The following DDAH1 variants were observed in gnomAD, a reference collection of about 807,000 sequenced individuals.
DDAH1 encodes N(G),N(G)-dimethylarginine dimethylaminohydrolase 1.
DDAH1 carries 19 observed loss-of-function variants against 28.8 expected under a neutral mutation model. The ratio of observed to expected loss-of-function variants is 0.66; its 90% CI spans 0.46 to 0.97. The LOEUF (loss-of-function observed/expected upper bound fraction) is 0.97, where lower values mean the gene tolerates loss of function less well. Among genes scored for constraint, DDAH1 ranks in the 50% least tolerant of loss-of-function variants. The pLI is 0.00. For missense variants in DDAH1, 326 were observed against 375.9 expected, an observed-to-expected ratio of 0.87 and a Z score of 1.10; for synonymous variants, 153 against 154.4, an observed-to-expected ratio of 0.99 and a Z score of 0.07.
chr1:85,564,810 G>C (rs1379299354), intron 1 of DDAH1, among the ~76,000 whole-genome samples: 1 of 151,622 alleles, frequency 6.6e-6, no homozygotes, highest in African/African-American at 2.4e-5. Context: ...GTTGCAGTGA[G>C]CCGAGATTGT....
At position 85,452,593 on chromosome 1, in the gene DDAH1, G is replaced by A. The variant is rs114958538; in HGVS notation, c.303+12150C>T. On this transcript the variant is annotated intron_variant, in intron 1 of 5. Coordinates refer to ENST00000284031, the MANE Select transcript of DDAH1 (RefSeq NM_012137.4). ...TAATTTTACGATCCACTTACGAGTTGAACTTAAAATTTGAAAATCACCATC... is the reference window on the plus strand; with the variant it reads ...TAATTTTACGATCCACTTACGAGTTAAACTTAAAATTTGAAAATCACCATC... 2.6e-3 allele frequency among the ~76,000 whole-genome samples: 388 copies of A among 151,906 alleles called. 3 individuals carry two copies. The highest frequency in any genetic ancestry group is 6.9e-3 in the Middle Eastern group (2 of 288).
chr1:85,414,432 C>T (rs1438573186), intron 1 of DDAH1, among the ~76,000 whole-genome samples: 2 of 151,658 alleles, frequency 1.3e-5, no homozygotes, highest in African/African-American at 2.4e-5. Flanking sequence ...GATCTGACCA[C>T]GTTAAAATTA....
chr1:85,383,743 C>T (rs1651113665), intron 1 of DDAH1, among the ~76,000 whole-genome samples: 2 of 152,198 alleles, frequency 1.3e-5, no homozygotes, highest in Admixed American at 1.3e-4. Context: ...GATAGGTCGG[C>T]AGCCATCGAC....
intron 2 of DDAH1, 50 bp from the exon 3 acceptor site, chr1:85,351,629 A>G (rs748554996): frequency 1.5e-6 from 2 of 1,342,864 alleles, no homozygotes; most frequent in African/African-American, 2.9e-5. Flanking sequence ...CAGTGACTGT[A>G]CATCATTTCT....
intron 1 of DDAH1, among the ~76,000 whole-genome samples, chr1:85,503,541 CTATCTATCT>C (rs1464876337): frequency 6.7e-6 from 1 of 148,996 alleles, no homozygotes; most frequent in African/African-American, 2.4e-5. Context: ...ATCTATCTAT[CTATCTATCT>C]ATCTATCTAT....
At chr1:85,489,314 G>T (rs1486904093) in intron 2 of DDAH1, among the ~76,000 whole-genome samples, 1 of 152,196 alleles carries the variant, frequency 6.6e-6, no homozygotes, top group Admixed American at 6.5e-5. Flanking sequence ...TGAAGGAAGA[G>T]AAGGCAGAGA....
intron 1 of DDAH1, among the ~76,000 whole-genome samples, chr1:85,574,696 A>G (rs1659548423): frequency 6.6e-6 from 1 of 152,128 alleles, no homozygotes; most frequent in South Asian, 2.1e-4. Context: ...ATGACACATC[A>G]CAAGCTCTGA....
intron 1 of DDAH1, among the ~76,000 whole-genome samples, chr1:85,460,769 G>A (rs911368660): frequency 6.6e-6 from 1 of 152,184 alleles, no homozygotes; most frequent in Non-Finnish European, 1.5e-5. Flanking sequence ...TGGTTAGGCA[G>A]GTGCAAGAGT....
intron 1 of DDAH1, among the ~76,000 whole-genome samples, chr1:85,444,721 A>G (rs574666101): frequency 6.6e-6 from 1 of 152,294 alleles, no homozygotes; most frequent in East Asian, 1.9e-4. Context: ...CTCAGAAGTG[A>G]AAAGGTCACA....
intron 1 of DDAH1, among the ~76,000 whole-genome samples, chr1:85,391,229 A>G (rs1468227532): frequency 1.3e-5 from 2 of 152,186 alleles, no homozygotes; most frequent in Non-Finnish European, 2.9e-5. Flanking sequence ...TCCCTGAGTG[A>G]CTTATACTCT....
chr1:85,403,019 G>A (rs111933205), intron 1 of DDAH1, among the ~76,000 whole-genome samples: 3,829 of 152,060 alleles, frequency 0.025, 72 homozygotes, highest in Non-Finnish European at 0.039. Flanking sequence ...TACCCATGGA[G>A]GAGTGTCTGT....
chr1:85,416,704 G>C (rs1166630240), intron 1 of DDAH1, among the ~76,000 whole-genome samples: 2 of 152,110 alleles, frequency 1.3e-5, no homozygotes, highest in Non-Finnish European at 2.9e-5. Context: ...GTCTTGCTCT[G>C]TTGCCCAGGC....
chr1:85,486,995 G>A (rs1656228849), intron 2 of DDAH1, among the ~76,000 whole-genome samples: 1 of 152,162 alleles, frequency 6.6e-6, no homozygotes, highest in African/African-American at 2.4e-5. Context: ...AAAATGATCA[G>A]AACTACAGAA....
intron 2 of DDAH1, chr1:85,482,559 A>T (rs1656046035): frequency 2.0e-5 from 3 of 152,258 alleles, no homozygotes; most frequent in African/African-American, 7.2e-5. Context: ...CTCAAAAAGT[A>T]GGTTAGGTTC....
intron 1 of DDAH1, among the ~76,000 whole-genome samples, chr1:85,392,790 T>TA (rs11314404): frequency 3.7e-5 from 4 of 109,448 alleles, no homozygotes; most frequent in African/African-American, 1.4e-4. Flanking sequence ...AGACTCTGTC[T>TA]AAAAAAAAAA....
chr1:85,544,518 T>C (rs1478763862), intron 1 of DDAH1, among the ~76,000 whole-genome samples: 3 of 152,166 alleles, frequency 2.0e-5, no homozygotes, highest in African/African-American at 7.2e-5. Flanking sequence ...AATGCCTAAC[T>C]CTGTCCTCAG....
At chr1:85,412,170 C>G (rs1484185124) in intron 1 of DDAH1, among the ~76,000 whole-genome samples, 1 of 152,176 alleles carries the variant, frequency 6.6e-6, no homozygotes, top group Non-Finnish European at 1.5e-5. Flanking sequence ...CTGCAATAGT[C>G]TCTTGTTTAC....
At chr1:85,366,071 G>C (rs1293325428) in intron 1 of DDAH1, among the ~76,000 whole-genome samples, 3 of 151,180 alleles carry the variant, frequency 2.0e-5, no homozygotes, top group Non-Finnish European at 4.4e-5. Flanking sequence ...TCTGGGAACT[G>C]AGAGCAATTC....
intron 1 of DDAH1, chr1:85,400,015 T>C (rs1651991774): frequency 6.6e-6 from 1 of 152,056 alleles, no homozygotes; most frequent in Non-Finnish European, 1.5e-5. Context: ...TGGACTCAAA[T>C]ATTTTTTTCT....
Sources: gnomAD v4.1 joint callset for allele counts (sites outside exome capture counted in the v4.1 genomes callset) on GRCh38, gnomAD v4.1.1 for gene constraint, MANE v1.5 for transcripts, NCBI Gene and HGNC (gene_info 2026-07-23, HGNC 2026-07-21) for gene names.